The following RIMS2 variants were observed in gnomAD, a reference collection of about 807,000 sequenced individuals.
RIMS2 encodes the protein regulating synaptic membrane exocytosis 2, also known as regulating synaptic membrane exocytosis protein 2.
A neutral mutation model predicts 174.4 loss-of-function variants in RIMS2; 59 were observed. The observed-to-expected ratio is 0.34, with a 90% CI of 0.27 to 0.42. RIMS2 has a LOEUF of 0.42. Ranked by LOEUF, RIMS2 falls within the 10% of genes least tolerant of loss-of-function variation. The pLI is 1.00. For missense variants in RIMS2, 1,620 were observed against 1,666.3 expected (o/e 0.97, Z 0.48); for synonymous variants, 606 against 572.5 (o/e 1.06, Z -0.84).
intron 3 of RIMS2, among the ~76,000 whole-genome samples, chr8:103,820,308 T>A (rs904317978): frequency 2.0e-5 from 3 of 152,040 alleles, no homozygotes; most frequent in African/African-American, 7.2e-5. Context: ...AGTTTTATCA[T>A]CCAGTTCTTT....
chr8:104,075,142 C>T (rs1378453917), intron 19 of RIMS2, among the ~76,000 whole-genome samples: 1 of 152,010 alleles, frequency 6.6e-6, no homozygotes, highest in Admixed American at 6.5e-5. Context: ...TAGAGCCAGG[C>T]TTTGTGCCTG....
chr8:103,558,081 G>A (rs2090845760), intron 1 of RIMS2, among the ~76,000 whole-genome samples: 1 of 151,648 alleles, frequency 6.6e-6, no homozygotes, highest in Non-Finnish European at 1.5e-5. Context: ...TTTTTAACAA[G>A]TCAGCAAACT....
intron 1 of RIMS2, among the ~76,000 whole-genome samples, chr8:103,576,862 G>A (rs1028287829): frequency 6.6e-5 from 10 of 152,232 alleles, no homozygotes; most frequent in South Asian, 2.1e-4. Context: ...TGGGAAAACC[G>A]ACTAGCCATA....
chr8:104,044,178 G>T (rs770233723), intron 19 of RIMS2, among the ~76,000 whole-genome samples: 2 of 151,598 alleles, frequency 1.3e-5, no homozygotes, highest in Non-Finnish European at 3.0e-5. Flanking sequence ...TTGTATTTAA[G>T]TAAAAGCAAT....
At chr8:103,913,140 T>TC (rs2076030327) in intron 6 of RIMS2, among the ~76,000 whole-genome samples, 1 of 139,276 alleles carries the variant, frequency 7.2e-6, no homozygotes, top group Non-Finnish European at 1.5e-5. Flanking sequence ...ACCCAGCTAT[T>TC]TTTTTTTTTT....
At chr8:103,756,757 A>T (rs990795776) in intron 2 of RIMS2, among the ~76,000 whole-genome samples, 12 of 152,150 alleles carry the variant, frequency 7.9e-5, no homozygotes, top group Admixed American at 6.5e-5. Context: ...ATCTTTAAAA[A>T]TTTTATTTAA....
chr8:103,691,894 C>G (rs2097030430), intron 1 of RIMS2, among the ~76,000 whole-genome samples: 1 of 152,130 alleles, frequency 6.6e-6, no homozygotes. Context: ...ATCAGTGTAG[C>G]TGTATCTTCA....
intron 3 of RIMS2, among the ~76,000 whole-genome samples, chr8:103,783,760 T>C (rs2098415128): frequency 6.6e-6 from 1 of 150,826 alleles, no homozygotes; most frequent in Non-Finnish European, 1.5e-5. Context: ...CAGCATGATT[T>C]ATAGTCCTTT....
intron 1 of RIMS2, among the ~76,000 whole-genome samples, chr8:103,553,285 TG>T (rs567245487): frequency 2.0e-5 from 3 of 152,292 alleles, no homozygotes; most frequent in Admixed American, 2.0e-4. Flanking sequence ...GATGAATTTT[TG>T]TCCTTTGTAG....
chr8:103,846,744 G>A (rs1007638948), intron 3 of RIMS2, among the ~76,000 whole-genome samples: 1 of 152,080 alleles, frequency 6.6e-6, no homozygotes, highest in African/African-American at 2.4e-5. Context: ...AGGATTCTGT[G>A]CTCACAATTT....
intron 2 of RIMS2, among the ~76,000 whole-genome samples, chr8:103,745,579 C>A (rs192667979): frequency 6.6e-6 from 1 of 152,118 alleles, no homozygotes; most frequent in Non-Finnish European, 1.5e-5. Flanking sequence ...TTTACATTCC[C>A]ACCAACAATG....
chr8:103,609,370 A>G (rs1365387613), intron 1 of RIMS2, among the ~76,000 whole-genome samples: 1 of 152,124 alleles, frequency 6.6e-6, no homozygotes, highest in East Asian at 1.9e-4. Flanking sequence ...ATTAAGTTCT[A>G]TTTGCCAATG....
At chr8:104,233,198 G>A (rs1386859501) in intron 19 of RIMS2, among the ~76,000 whole-genome samples, 2 of 152,046 alleles carry the variant, frequency 1.3e-5, no homozygotes, top group Non-Finnish European at 2.9e-5. Context: ...TTCATATAGA[G>A]CATAATAAAT....
intron 1 of RIMS2, among the ~76,000 whole-genome samples, chr8:103,694,989 G>T (rs2097081604): frequency 6.6e-6 from 1 of 152,140 alleles, no homozygotes; most frequent in Admixed American, 6.5e-5. Flanking sequence ...AGACTGTGGG[G>T]GTCTGCCTAG....
intron 1 of RIMS2, among the ~76,000 whole-genome samples, chr8:103,502,228 C>T (rs1820588782): frequency 6.6e-6 from 1 of 152,194 alleles, no homozygotes; most frequent in Non-Finnish European, 1.5e-5. Flanking sequence ...ACACTCACCT[C>T]TATTCAGGTA....
rs2098812087 is a variant in RIMS2, at chr8:103,829,414, A to G, written c.699-55884A>G. 2.6e-5 allele frequency among the ~76,000 whole-genome samples: 4 copies of G among 152,332 alleles called. No homozygotes were observed. The South Asian group carries it at 8.3e-4, about 32-fold the overall frequency. ...TTCTACCATAAAGGCACCTGCATGC[A>G]TATGTTAATTGCAGCACTATTCGCA... is the stretch of plus-strand genomic sequence containing the variant. On this transcript the variant is annotated intron_variant, in intron 3 of 23. Transcript: ENST00000504942.
chr8:103,947,994 A>G (rs1293730100), intron 14 of RIMS2, among the ~76,000 whole-genome samples: 4 of 152,198 alleles, frequency 2.6e-5, no homozygotes, highest in Admixed American at 2.6e-4. Context: ...AAAATGCAAT[A>G]ATAATAAGAT....
At chr8:103,881,006 A>G (rs1298666131) in intron 3 of RIMS2, among the ~76,000 whole-genome samples, 2 of 151,502 alleles carry the variant, frequency 1.3e-5, no homozygotes, top group Admixed American at 6.6e-5. Context: ...ATTTTTAAAA[A>G]CAAGTAGGTA....
At chr8:103,674,861 A>G (rs1231082307) in intron 1 of RIMS2, among the ~76,000 whole-genome samples, 2 of 149,086 alleles carry the variant, frequency 1.3e-5, no homozygotes, top group Non-Finnish European at 3.0e-5. Context: ...TTTATGCAAC[A>G]TAAAAGTAAG....
Sources: gnomAD v4.1 joint callset for allele counts (sites outside exome capture counted in the v4.1 genomes callset) on GRCh38, gnomAD v4.1.1 for gene constraint, MANE v1.5 for transcripts, NCBI Gene and HGNC (gene_info 2026-07-23, HGNC 2026-07-21) for gene names.